FNDC3B: variants seen among roughly 807,000 people sequenced by gnomAD.
FNDC3B encodes fibronectin type III domain containing 3B.
FNDC3B carries 12 observed loss-of-function variants against 151.5 expected under a neutral mutation model. That is an observed-to-expected ratio of 0.08 (90% CI 0.05 to 0.13). The LOEUF (loss-of-function observed/expected upper bound fraction) is 0.13, where lower values mean the gene tolerates loss of function less well. FNDC3B is among the 10% of genes least tolerant of loss of function. The probability of loss-of-function intolerance (pLI) is 1.00; values close to 1 mark genes in which losing one functional copy is unlikely to be tolerated. For synonymous variants in FNDC3B, 528 were observed against 549.0 expected (o/e 0.96, Z 0.54); for missense variants, 1,214 against 1,505.3 (o/e 0.81, Z 3.20).
At chr3:172,374,712 C>T (rs887040057) in intron 23 of FNDC3B, among the ~76,000 whole-genome samples, 6 of 152,160 alleles carry the variant, frequency 3.9e-5, no homozygotes, top group African/African-American at 1.2e-4. Context: ...CTTTTATTAA[C>T]CCATTTAAAC....
intron 4 of FNDC3B, among the ~76,000 whole-genome samples, chr3:172,239,989 C>T (rs886555001): frequency 2.0e-5 from 3 of 150,952 alleles, no homozygotes; most frequent in African/African-American, 7.3e-5. Context: ...CTGCCTCAGC[C>T]TCCCGAGCAG....
intron 23 of FNDC3B, among the ~76,000 whole-genome samples, chr3:172,367,376 A>G (rs912933338): frequency 2.6e-5 from 4 of 152,186 alleles, no homozygotes; most frequent in Non-Finnish European, 5.9e-5. Context: ...TTAACATCAA[A>G]CAATAAGCAG....
chr3:172,263,494 A>G (rs1269483793), intron 6 of FNDC3B, among the ~76,000 whole-genome samples: 2 of 151,898 alleles, frequency 1.3e-5, no homozygotes, highest in African/African-American at 2.4e-5. Context: ...GAACTCTGTA[A>G]TATACCAGCA....
chr3:172,150,647 A>G (rs1722172409), intron 3 of FNDC3B, among the ~76,000 whole-genome samples: 1 of 152,068 alleles, frequency 6.6e-6, no homozygotes, highest in Admixed American at 6.6e-5. Context: ...AACACCACCG[A>G]TTAAGTTGAC....
At chr3:172,202,570 TAATTTTGTAAGTTAGAAATTCTCCA>T (rs1323277422) in intron 3 of FNDC3B, among the ~76,000 whole-genome samples, 8 of 152,252 alleles carry the variant, frequency 5.3e-5, no homozygotes, top group African/African-American at 1.9e-4. Context: ...TGGTTATTCC[TAATTTTGTAAGTTAGAAATTCTCCA>T]AACGGAACAG....
At chr3:172,067,143 A>G (rs1717540202) in intron 1 of FNDC3B, among the ~76,000 whole-genome samples, 1 of 152,194 alleles carries the variant, frequency 6.6e-6, no homozygotes. Flanking sequence ...TGAGCTATCA[A>G]AATCCTCCTC....
chr3:172,378,190 C>T, intron 23 of FNDC3B, 80 bp from the exon 24 acceptor site: 2 of 1,327,264 alleles, frequency 1.5e-6, no homozygotes, highest in South Asian at 3.0e-5. Context: ...GCCTAATCTG[C>T]TCCATTAGTT....
chr3:172,321,887 C>T (rs966688101), intron 11 of FNDC3B, among the ~76,000 whole-genome samples: 1 of 152,176 alleles, frequency 6.6e-6, no homozygotes, highest in East Asian at 1.9e-4. Context: ...AGCCACCATG[C>T]CCAGCCAGAC....
In FNDC3B at chr3:172,095,935, A is replaced by C. The variant is rs1334028263; in HGVS notation, c.-28-16517A>C. On this transcript the variant is annotated intron_variant, in intron 1 of 25. Transcript: ENST00000415807. ...ATGTTAGCAGATTGATTTCTACAGC[A>C]TTTAAAATTGGCTGTAGAGTTTTGC... Among the ~76,000 whole-genome samples the C allele has an allele frequency of 2.6e-5, 4 of 152,234 alleles. No homozygotes were observed. In the East Asian group the frequency reaches 7.7e-4, roughly 29 times the overall value.
chr3:172,143,439 A>G (rs1460880753), intron 3 of FNDC3B, among the ~76,000 whole-genome samples: 1 of 152,220 alleles, frequency 6.6e-6, no homozygotes, highest in Non-Finnish European at 1.5e-5. Context: ...TTTAATCCTT[A>G]AAGATACATC....
chr3:172,254,642 G>C (rs1728242944), intron 6 of FNDC3B, among the ~76,000 whole-genome samples: 1 of 152,050 alleles, frequency 6.6e-6, no homozygotes, highest in African/African-American at 2.4e-5. Context: ...CCTTTTCCTG[G>C]AACAAAGTGT....
At chr3:172,146,735 T>G (rs1343184388) in intron 3 of FNDC3B, among the ~76,000 whole-genome samples, 2 of 152,232 alleles carry the variant, frequency 1.3e-5, no homozygotes, top group African/African-American at 2.4e-5. Flanking sequence ...TCTTGTATTC[T>G]TATACATATT....
chr3:172,051,221 T>A (rs1272587149), intron 1 of FNDC3B, among the ~76,000 whole-genome samples: 1 of 151,940 alleles, frequency 6.6e-6, no homozygotes, highest in Non-Finnish European at 1.5e-5. Flanking sequence ...GTAGCTGGGA[T>A]TACAGGCATG....
chr3:172,146,474 T>G (rs762397857), intron 3 of FNDC3B, among the ~76,000 whole-genome samples: 1 of 152,028 alleles, frequency 6.6e-6, no homozygotes, highest in African/African-American at 2.4e-5. Flanking sequence ...ATTGTCAGAT[T>G]GTAGGGGAAT....
chr3:172,378,737 C>T (rs1303480686), intron 24 of FNDC3B, among the ~76,000 whole-genome samples: 1 of 152,190 alleles, frequency 6.6e-6, no homozygotes, highest in Admixed American at 6.5e-5. Flanking sequence ...AGGCGTCAGA[C>T]TCCCCTTTCC....
chr3:172,161,234 G>A (rs1228574220), intron 3 of FNDC3B, among the ~76,000 whole-genome samples: 1 of 152,140 alleles, frequency 6.6e-6, no homozygotes, highest in Non-Finnish European at 1.5e-5. Context: ...CCGACTGATC[G>A]CTTTTCCAAT....
chr3:172,330,966 T>G (rs1181515191), intron 13 of FNDC3B, among the ~76,000 whole-genome samples: 1 of 148,460 alleles, frequency 6.7e-6, no homozygotes, highest in African/African-American at 2.5e-5. Context: ...AAAATCCTTT[T>G]GAATCTTCCT....
At chr3:172,093,733 A>G (rs1198153974) in intron 1 of FNDC3B, among the ~76,000 whole-genome samples, 2 of 152,188 alleles carry the variant, frequency 1.3e-5, no homozygotes, top group Non-Finnish European at 2.9e-5. Flanking sequence ...AGGTTCAGAA[A>G]AAGATCAAAG....
intron 3 of FNDC3B, among the ~76,000 whole-genome samples, chr3:172,180,378 C>T (rs1444665558): frequency 6.6e-6 from 1 of 152,204 alleles, no homozygotes; most frequent in Non-Finnish European, 1.5e-5. Context: ...TGTTTGAGAA[C>T]ATGAATGATT....
Sources: gnomAD v4.1 joint callset for allele counts (sites outside exome capture counted in the v4.1 genomes callset) on GRCh38, gnomAD v4.1.1 for gene constraint, MANE v1.5 for transcripts, NCBI Gene and HGNC (gene_info 2026-07-23, HGNC 2026-07-21) for gene names.